EPS15L1: variants seen among roughly 807,000 people sequenced by gnomAD.
EPS15L1 encodes the protein epidermal growth factor receptor substrate 15-like 1.
A neutral mutation model predicts 117.1 loss-of-function variants in EPS15L1; 43 were observed. The ratio of observed to expected loss-of-function variants is 0.37; its 90% CI spans 0.29 to 0.47. EPS15L1 has a LOEUF of 0.47. Ranked by LOEUF, EPS15L1 falls within the 20% of genes least tolerant of loss-of-function variation. EPS15L1 has a pLI of 0.99. For missense variants in EPS15L1, 981 were observed against 1,164.0 expected, an observed-to-expected ratio of 0.84 and a Z score of 2.29; for synonymous variants, 459 against 470.5, an observed-to-expected ratio of 0.98 and a Z score of 0.32.
At chr19:16,437,924 G>T in intron 4 of EPS15L1, 59 bp from the exon 5 acceptor site, 1 of 1,328,520 alleles carries the variant, frequency 7.5e-7, no homozygotes, top group Non-Finnish European at 1.1e-6. Context: ...GGTAGGGGGA[G>T]CTGTCTCTAA....
intron 10 of EPS15L1, among the ~76,000 whole-genome samples, chr19:16,420,790 C>G (rs1347791426): frequency 2.0e-5 from 3 of 152,214 alleles, no homozygotes; most frequent in Non-Finnish European, 4.4e-5. Context: ...GTGTCCAGCC[C>G]TGGGGGAAAG....
chr19:16,413,224 C>G, intron 13 of EPS15L1: 1 of 642,766 alleles, frequency 1.6e-6, no homozygotes, highest in Non-Finnish European at 2.8e-6. Context: ...ATCAGCAAAC[C>G]CCACATTGTC....
In EPS15L1 at chr19:16,404,148, G is replaced by A. The variant is rs181020894; in HGVS notation, c.1429-218C>T. Among the ~76,000 whole-genome samples, 1 of 152,098 alleles carries A rather than the reference G, an allele frequency of 6.6e-6. No homozygotes were observed. Among genetic ancestry groups the A allele is most frequent in the Admixed American group, 6.5e-5 (1 of 15,268 alleles). On this transcript the variant is annotated intron_variant, in intron 14 of 23. Transcript: ENST00000455140. This position sits in a 1 kb window ranked among gnomAD's most constrained non-coding sequence, Gnocchi z 4.2. ...ATGGGCTCATCCCACTGTGGCTAAC[G>A]GAAGATCACTTTGGAATAATGAGGG... is the stretch of plus-strand genomic sequence containing the variant.
At chr19:16,456,527 G>A (rs1051400013) in intron 1 of EPS15L1, among the ~76,000 whole-genome samples, 1 of 151,662 alleles carries the variant, frequency 6.6e-6, no homozygotes, top group African/African-American at 2.4e-5. Flanking sequence ...CGTGGTGGCG[G>A]GTACCTGTAA....
Position 16,440,960 on chromosome 19 carries a change from G to A in EPS15L1, c.166-51C>T, listed in dbSNP as rs377397670. 31 of 1,592,308 alleles carry A rather than the reference G, an allele frequency of 1.9e-5. 1 individual carries two copies. The highest frequency in any genetic ancestry group is 1.3e-4 in the African/African-American group (10 of 74,598). On this transcript the variant is annotated intron_variant, in intron 3 of 23. Transcript: ENST00000455140. ...AGCATGACTGCCGATCACTGTCCAC[G>A]TGTTAACAAAAACCAGAGCCGCCAC...
At position 16,404,507 on chromosome 19, in the gene EPS15L1, C is replaced by CA; in HGVS notation, c.1428+80dup. 1 of 1,496,350 alleles carries CA rather than the reference C, an allele frequency of 6.7e-7. No individual in the cohort carries two copies. The highest frequency in any genetic ancestry group is 9.2e-7 in the Non-Finnish European group (1 of 1,089,714). The allele number at this position is 1,496,350 out of a possible 1,614,324, so 92.7% of individuals were successfully genotyped here. A position where few individuals can be genotyped will look rare whatever the true frequency, so the allele number is the denominator to read the frequency against. Reference sequence around the variant, plus strand: ...GTAGGATGTCTAAGTGTTGTGTTCCCAGGTAACACGAGCTCAGGGGAGTCC... The same window carrying CA: ...GTAGGATGTCTAAGTGTTGTGTTCCCAAGGTAACACGAGCTCAGGGGAGTCC... On this transcript the variant is annotated intron_variant, in intron 14 of 23. Transcript: ENST00000455140. The surrounding 1 kb of genome is among the most constrained non-coding windows in gnomAD (Gnocchi z 4.2).
In EPS15L1 at chr19:16,414,546, A is replaced by G. The variant is rs538655273; in HGVS notation, c.1194-701T>C. Among the ~76,000 whole-genome samples, 23 of 151,804 alleles carry G rather than the reference A, an allele frequency of 1.5e-4. No individual in the cohort carries two copies. The East Asian group carries it at 2.7e-3, about 18-fold the overall frequency. ...CTCCCTAGTAGCTGGGACTACAGGC[A>G]CGTGCCACCACGCCCAGCTAATTTT... On this transcript the variant is annotated intron_variant, in intron 12 of 23. Coordinates refer to ENST00000455140, the MANE Select transcript of EPS15L1 (RefSeq NM_001258374.3).
At chr19:16,402,240 A>G (rs1225799342) in intron 16 of EPS15L1, 81 bp downstream of exon 16, 1 of 1,502,752 alleles carries the variant, frequency 6.7e-7, no homozygotes, top group African/African-American at 1.4e-5. Flanking sequence ...TTGGCCATGA[A>G]CAGATCTGGC....
chr19:16,437,482 G>T (rs763189053), intron 5 of EPS15L1, among the ~76,000 whole-genome samples: 1 of 152,202 alleles, frequency 6.6e-6, no homozygotes, highest in Non-Finnish European at 1.5e-5. Flanking sequence ...GCGACTGGGA[G>T]GGGGAGACAA....
intron 22 of EPS15L1, among the ~76,000 whole-genome samples, chr19:16,372,991 A>G (rs774361466): frequency 6.6e-5 from 10 of 152,240 alleles, no homozygotes; most frequent in South Asian, 6.2e-4. Flanking sequence ...GCAGGGTTCT[A>G]GAAACCTCTG....
intron 19 of EPS15L1, among the ~76,000 whole-genome samples, chr19:16,390,241 G>A (rs1026885770): frequency 1.3e-5 from 2 of 152,130 alleles, no homozygotes; most frequent in African/African-American, 2.4e-5. Context: ...CAGACTTCAA[G>A]ACAAAGAACA....
intron 1 of EPS15L1, among the ~76,000 whole-genome samples, chr19:16,464,423 ACT>A (rs2093280864): frequency 6.6e-6 from 1 of 152,060 alleles, no homozygotes; most frequent in Non-Finnish European, 1.5e-5. Flanking sequence ...GCCACTGGCC[ACT>A]CTCTCGGCAA....
intron 21 of EPS15L1, 104 bp downstream of exon 21, chr19:16,385,025 G>C: frequency 1.1e-6 from 1 of 882,550 alleles, no homozygotes; most frequent in East Asian, 2.4e-5. Flanking sequence ...AAGGTGCCGG[G>C]GAGATACATA....
Position 16,429,410 on chromosome 19 carries a change from G to A in EPS15L1, c.499-649C>T, listed in dbSNP as rs76727641. Among the ~76,000 whole-genome samples the A allele has an allele frequency of 1.4e-3, 219 of 152,334 alleles. 1 individual carries two copies. Among genetic ancestry groups the A allele is most frequent in the African/African-American group, 4.8e-3 (200 of 41,578 alleles). ...CAGGCCAACGCTGGGCAGGCTGCCA[G>A]TCCCCGGATCTAAGCAGATGCCCGT... On this transcript the variant is annotated intron_variant, in intron 7 of 23. Coordinates refer to ENST00000455140, the MANE Select transcript of EPS15L1 (RefSeq NM_001258374.3).
chr19:16,410,149 T>C (rs1283619989), intron 13 of EPS15L1, among the ~76,000 whole-genome samples: 2 of 143,422 alleles, frequency 1.4e-5, no homozygotes, highest in African/African-American at 5.1e-5. Flanking sequence ...AAAAAAAAAA[T>C]GCAATTTAAA....
intron 21 of EPS15L1, among the ~76,000 whole-genome samples, chr19:16,382,393 C>T (rs1477958311): frequency 6.6e-6 from 1 of 152,172 alleles, no homozygotes; most frequent in African/African-American, 2.4e-5. Context: ...CTGTCAGGGG[C>T]TCTCTGGGCT....
At chr19:16,428,124 C>G (rs1391213087) in intron 8 of EPS15L1, among the ~76,000 whole-genome samples, 1 of 150,924 alleles carries the variant, frequency 6.6e-6, no homozygotes, top group African/African-American at 2.4e-5. Flanking sequence ...CTGCTTGAAC[C>G]TGGGAGGCGG....
At position 16,361,468 on chromosome 19, in the gene EPS15L1, CACA is replaced by C. The variant is rs2092049791; in HGVS notation, c.2586+308_2586+310del. The C allele has an allele frequency of 6.1e-6, 4 of 654,786 alleles. No homozygotes were observed. The South Asian group carries it at 2.3e-4, about 37-fold the overall frequency. 40.6% of individuals were successfully genotyped at this position (654,786 alleles called of 1,614,324 possible). On this transcript the variant is annotated intron_variant, in intron 23 of 23. Transcript: ENST00000455140. ...ATCTTGGCTTCCAAAAACCAGTGAA[CACA>C]ACAGCCTCGGTGCGTCAGAAATAAT...
intron 16 of EPS15L1, among the ~76,000 whole-genome samples, chr19:16,399,697 T>TTA (rs1555747602): frequency 6.6e-6 from 1 of 151,332 alleles, no homozygotes; most frequent in Non-Finnish European, 1.5e-5. Flanking sequence ...TTTTTTTTTT[T>TTA]AGAGATTGAG....
Sources: allele counts gnomAD v4.1 joint callset (sites outside exome capture counted in the v4.1 genomes callset), GRCh38; gene constraint gnomAD v4.1.1; non-coding constraint Gnocchi (gnomAD v3.1); transcripts MANE v1.5; gene names NCBI Gene and HGNC (gene_info 2026-07-23, HGNC 2026-07-21).